Variants in DGAT2L6 observed in about 807,000 individuals in gnomAD.
The protein encoded by DGAT2L6 is diacylglycerol O-acyltransferase 2 like 6.
A neutral mutation model predicts 25.5 loss-of-function variants in DGAT2L6; 22 were observed. The observed-to-expected ratio is 0.86, with a 90% confidence interval of 0.62 to 1.23. The LOEUF (loss-of-function observed/expected upper bound fraction) is 1.23, where lower values mean the gene tolerates loss of function less well. DGAT2L6 is among the 50% of genes most tolerant of loss of function. The pLI is 0.00. For missense variants in DGAT2L6, 287 were observed against 253.2 expected (o/e 1.13, Z -0.91); for synonymous variants, 100 against 94.7 (o/e 1.06, Z -0.32).
chrX:70,182,349 G>A (rs781278311), intron 1 of DGAT2L6, among the ~76,000 whole-genome samples: 9 of 109,714 alleles, frequency 8.2e-5, no homozygotes, highest in South Asian at 4.0e-4. Context: ...CATCTCTTCC[G>A]GGCTTGTATC....
At chrX:70,199,234 G>A (rs1305448285) in intron 1 of DGAT2L6, 37 bp from the exon 2 acceptor site, 1 of 989,452 alleles carries the variant, frequency 1.0e-6, no homozygotes, top group African/African-American at 1.9e-5. Context: ...AAAACTTGAA[G>A]GGAACTGAAA....
chrX:70,190,346 T>A (rs760148552), intron 1 of DGAT2L6, among the ~76,000 whole-genome samples: 9 of 111,657 alleles, frequency 8.1e-5, no homozygotes, highest in African/African-American at 2.6e-4. Context: ...GCAACAAGAA[T>A]CTGGCAGCCA....
chrX:70,181,306 T>C (rs953073502), intron 1 of DGAT2L6, among the ~76,000 whole-genome samples: 3 of 112,480 alleles, frequency 2.7e-5, no homozygotes, highest in African/African-American at 9.7e-5. Flanking sequence ...TGATCAGTAA[T>C]GTTGAGCATC....
chrX:70,195,181 C>T (rs2085387010), intron 1 of DGAT2L6, among the ~76,000 whole-genome samples: 1 of 111,903 alleles, frequency 8.9e-6, no homozygotes, highest in Non-Finnish European at 1.9e-5. Flanking sequence ...CAAATCAAAA[C>T]CACAGTGAGA....
intron 1 of DGAT2L6, among the ~76,000 whole-genome samples, chrX:70,198,215 T>C (rs1342472199): frequency 1.8e-5 from 2 of 112,512 alleles, no homozygotes; most frequent in Non-Finnish European, 3.8e-5. Flanking sequence ...TTAAATGGAA[T>C]TCATTCGCAC....
chrX:70,199,784 A>G, intron 2 of DGAT2L6, 28 bp from the exon 3 acceptor site: 1 of 1,190,121 alleles, frequency 8.4e-7, no homozygotes, highest in Non-Finnish European at 1.1e-6. Flanking sequence ...TGCCCTGTGT[A>G]CTCTTCCCTT....
intron 1 of DGAT2L6, among the ~76,000 whole-genome samples, chrX:70,181,435 A>C (rs980862124): frequency 8.9e-6 from 1 of 112,192 alleles, no homozygotes; most frequent in Non-Finnish European, 1.9e-5. Flanking sequence ...TCTTTTAGTG[A>C]TTATGCTAGA....
At chrX:70,195,949 A>G (rs1354445709) in intron 1 of DGAT2L6, among the ~76,000 whole-genome samples, 1 of 111,152 alleles carries the variant, frequency 9.0e-6, no homozygotes, top group Non-Finnish European at 1.9e-5. Context: ...AAGTATCCTC[A>G]CCTCTAGCCA....
intron 1 of DGAT2L6, among the ~76,000 whole-genome samples, chrX:70,198,334 C>T (rs780311236): frequency 8.9e-6 from 1 of 112,134 alleles, no homozygotes; most frequent in South Asian, 3.7e-4. Flanking sequence ...AAAATGAACA[C>T]AGTAAAGTGT....
At position 70,181,308 on chromosome X, in the gene DGAT2L6, T is replaced by C. The variant is rs2085342525; in HGVS notation, c.85+3641T>C. Among the ~76,000 whole-genome samples, 4 of 112,511 alleles carry C rather than the reference T, an allele frequency of 3.6e-5. No individual in the cohort carries two copies. The Admixed American group carries it at 3.8e-4, about 11-fold the overall frequency. On this transcript the variant is annotated intron_variant, in intron 1 of 6. Transcript: ENST00000333026. ...TACATTTCCCTGATGATCAGTAATG[T>C]TGAGCATCTTTTCATGTGCCTGTTG... is the stretch of plus-strand genomic sequence containing the variant.
intron 1 of DGAT2L6, among the ~76,000 whole-genome samples, chrX:70,182,672 G>T (rs1185346234): frequency 9.3e-6 from 1 of 107,242 alleles, no homozygotes; most frequent in Non-Finnish European, 1.9e-5. Flanking sequence ...TTTTTGTTTT[G>T]AGGCAGAGTC....
rs1556243791 is a variant in DGAT2L6 at position 70,195,464 on chromosome X, T to TCACTCACACACA, written c.86-3804_86-3803insTCACACACACAC. On this transcript the variant is annotated intron_variant, in intron 1 of 6. Transcript: ENST00000333026. ...GGCAGATGAATGAATAAAGAAAGTG[T>TCACTCACACACA]CACACACACACACACACACACACGA... 4.8e-5 allele frequency among the ~76,000 whole-genome samples: 5 copies of TCACTCACACACA among 103,614 alleles called. No homozygotes were observed. In the East Asian group the frequency reaches 1.5e-3, roughly 32 times the overall value. 90.0% of individuals were successfully genotyped at this position (103,614 alleles called of 115,157 possible).
chrX:70,195,037 C>G (rs774552482), intron 1 of DGAT2L6, among the ~76,000 whole-genome samples: 1 of 111,090 alleles, frequency 9.0e-6, no homozygotes, highest in Non-Finnish European at 1.9e-5. Context: ...TCATACCACT[C>G]AATAGAAAAA....
At chrX:70,190,769 A>G (rs188756043) in intron 1 of DGAT2L6, among the ~76,000 whole-genome samples, 35 of 112,070 alleles carry the variant, frequency 3.1e-4, no homozygotes, top group African/African-American at 1.1e-3. Context: ...CAAGCTTGCT[A>G]ACCTTGGTAT....
intron 1 of DGAT2L6, among the ~76,000 whole-genome samples, chrX:70,196,062 T>G (rs2147607803): frequency 8.9e-6 from 1 of 111,794 alleles, no homozygotes; most frequent in Admixed American, 9.5e-5. Context: ...CATCACATTG[T>G]GCACATTGAA....
intron 1 of DGAT2L6, among the ~76,000 whole-genome samples, chrX:70,182,573 G>A (rs746328245): frequency 3.2e-5 from 3 of 93,397 alleles, no homozygotes; most frequent in African/African-American, 4.2e-5. Flanking sequence ...TCTGCCTCCC[G>A]GGTTCAAGCA....
intron 1 of DGAT2L6, among the ~76,000 whole-genome samples, chrX:70,192,556 T>G (rs897192305): frequency 8.9e-6 from 1 of 111,925 alleles, no homozygotes; most frequent in Non-Finnish European, 1.9e-5. Context: ...TTTCGTCACT[T>G]ATGTTAGAGT....
chrX:70,205,286 G>A lies in DGAT2L6; in HGVS notation c.*180G>A, dbSNP rs748683162. 2.6e-5 allele frequency: 14 copies of A among 532,538 alleles called. No homozygotes were observed. The East Asian group carries it at 6.3e-4, about 24-fold the overall frequency. 43.9% of individuals were successfully genotyped at this position (532,538 alleles called of 1,213,427 possible). The stretch of plus-strand genomic sequence containing the variant: ...ATAGAGTCCTCTCCCAAGTGGCTGA[G>A]GCAGGCTTAGGGGAAAGAACCAGAG... On this transcript the variant is annotated 3_prime_UTR_variant, in exon 7 of 7. Coordinates refer to ENST00000333026, the MANE Select transcript of DGAT2L6 (RefSeq NM_198512.3).
Position 70,202,068 on chromosome X carries a change from G to C in DGAT2L6, c.647+4G>C. 6 of 1,176,057 alleles carry C rather than the reference G, an allele frequency of 5.1e-6. No homozygotes were observed. The South Asian group carries it at 1.2e-4, about 23-fold the overall frequency. On this transcript the variant is annotated splice_donor_region_variant and intron_variant, in intron 5 of 6. Transcript: ENST00000333026. ...TGAAGATGGCACTGCAAACAGGGTG[G>C]GTTCCAAGGTTCTAGTGCTCTGTTG...
Sources: gnomAD v4.1 joint callset for allele counts (sites outside exome capture counted in the v4.1 genomes callset) on GRCh38, gnomAD v4.1.1 for gene constraint, MANE v1.5 for transcripts, NCBI Gene and HGNC (gene_info 2026-07-23, HGNC 2026-07-21) for gene names.